Variants in PCDHGB1 observed in about 807,000 individuals in gnomAD.
PCDHGB1 encodes the protein protocadherin gamma-B1.
A neutral mutation model predicts 56.6 loss-of-function variants in PCDHGB1; 34 were observed. The observed-to-expected ratio is 0.60, with a 90% CI of 0.46 to 0.80. PCDHGB1 has a LOEUF of 0.80. Ranked by LOEUF, PCDHGB1 falls within the 30% of genes least tolerant of loss-of-function variation. PCDHGB1 has a pLI of 0.00. For missense variants in PCDHGB1, 1,278 were observed against 1,204.6 expected, an observed-to-expected ratio of 1.06 and a Z score of -0.90; for synonymous variants, 561 against 505.9, an observed-to-expected ratio of 1.11 and a Z score of -1.46.
chr5:141,410,980 A>G (rs2095454359), intron 1 of PCDHGB1: 1 of 175,670 alleles, frequency 5.7e-6, no homozygotes, highest in South Asian at 1.4e-4. Context: ...CAGCCTCCCA[A>G]GTAGCTGGGA....
chr5:141,429,583 T>A (rs2097226045), intron 1 of PCDHGB1, among the ~76,000 whole-genome samples: 2 of 152,218 alleles, frequency 1.3e-5, no homozygotes, highest in South Asian at 4.1e-4. Flanking sequence ...TTACTTTTGA[T>A]TCTTGTAATT....
chr5:141,360,895 G>C lies in PCDHGB1; in HGVS notation c.2409+8226G>C, dbSNP rs766855815. The stretch of plus-strand genomic sequence containing the variant: ...CGTGTACAGGGTCACCCTGAGGGAG[G>C]ACGTGCCGCCGGGCTTCTTTGTGCT... On this transcript the variant is annotated intron_variant, in intron 1 of 3. Coordinates refer to ENST00000523390, the MANE Select transcript of PCDHGB1 (RefSeq NM_018922.3). The C allele has an allele frequency of 6.2e-6, 10 of 1,614,046 alleles. No homozygotes were observed. The Admixed American group carries it at 1.7e-4, about 27-fold the overall frequency.
intron 1 of PCDHGB1, chr5:141,421,033 C>T (rs915028623): frequency 2.4e-5 from 13 of 533,788 alleles, no homozygotes; most frequent in Non-Finnish European, 6.5e-6. Context: ...CCATTGAGTC[C>T]CTCCCTCCCC....
At chr5:141,419,686 G>A (rs551990092) in intron 1 of PCDHGB1, 2 of 1,612,760 alleles carry the variant, frequency 1.2e-6, no homozygotes, top group Non-Finnish European at 1.7e-6. Flanking sequence ...ACCACGTGGT[G>A]CAGGCCAGTG....
Position 141,393,095 on chromosome 5 carries a change from G to A in PCDHGB1, c.2409+40426G>A, listed in dbSNP as rs1057103671. On this transcript the variant is annotated intron_variant, in intron 1 of 3. Transcript: ENST00000523390. ...CCGCGGGCAGGATAGATCGGGAGGA[G>A]CTCTGCGCTCAGAGCCCGCGGTGTC... The A allele has an allele frequency of 3.1e-6, 5 of 1,613,520 alleles. No homozygotes were observed. The East Asian group carries it at 8.9e-5, about 29-fold the overall frequency.
At chr5:141,364,958 C>G in intron 1 of PCDHGB1, 1 of 1,613,958 alleles carries the variant, frequency 6.2e-7, no homozygotes, top group Non-Finnish European at 8.5e-7. Flanking sequence ...TGTTCACGAC[C>G]TCCTCCTCAC....
chr5:141,393,113 G>T (rs1296597974), intron 1 of PCDHGB1: 1 of 1,613,500 alleles, frequency 6.2e-7, no homozygotes. Context: ...CTCAGAGCCC[G>T]CGGTGTCTGA....
rs1266068276 is a variant in PCDHGB1 at position 141,418,847 on chromosome 5, C to T, written c.2409+66178C>T. 1.2e-6 allele frequency: 2 copies of T among 1,613,972 alleles called. No individual in the cohort carries two copies. The highest frequency in any genetic ancestry group is 1.3e-5 in the African/African-American group (1 of 75,054). On this transcript the variant is annotated intron_variant, in intron 1 of 3. Transcript: ENST00000523390. ...AAAAGACCGAGGATCTCTCTCAACACGGTGTAAAGTAATTGTAGAAGTTGT... is the reference window on the plus strand; with the variant it reads ...AAAAGACCGAGGATCTCTCTCAACATGGTGTAAAGTAATTGTAGAAGTTGT...
intron 1 of PCDHGB1, among the ~76,000 whole-genome samples, chr5:141,454,907 A>T (rs1304287479): frequency 1.4e-5 from 2 of 139,080 alleles, no homozygotes; most frequent in East Asian, 4.3e-4. Context: ...TCCCGGGTTC[A>T]CGCCATTCTC....
Position 141,487,682 on chromosome 5 carries a change from G to A in PCDHGB1, c.2410-7125G>A, listed in dbSNP as rs757434520. On this transcript the variant is annotated intron_variant, in intron 1 of 3. Transcript: ENST00000523390. This position sits in a 1 kb window ranked among gnomAD's most constrained non-coding sequence, Gnocchi z 5.0. ...TGATCCAGGCATATGGCTAGGCCATGTCCTAGAGAGTACTGGCCTCTCAGT... is the reference window on the plus strand; with the variant it reads ...TGATCCAGGCATATGGCTAGGCCATATCCTAGAGAGTACTGGCCTCTCAGT... The A allele has an allele frequency of 1.2e-6, 2 of 1,607,256 alleles. No individual in the cohort carries two copies. Among genetic ancestry groups the A allele is most frequent in the East Asian group, 4.5e-5 (2 of 44,762 alleles).
intron 1 of PCDHGB1, among the ~76,000 whole-genome samples, chr5:141,471,076 T>C (rs1463083616): frequency 1.5e-5 from 2 of 136,094 alleles, no homozygotes; most frequent in Non-Finnish European, 3.1e-5. Context: ...TGAGACAGGG[T>C]CTCCCTCTGT....
rs371807105 is a variant in PCDHGB1 at position 141,476,586 on chromosome 5, A to G, written c.2410-18221A>G. ...GCTCCGGGGACGCGCTTTCCGCTCG[A>G]GAGCGCGCACGATCCCGATGTGGGA... is the stretch of plus-strand genomic sequence containing the variant. On this transcript the variant is annotated intron_variant, in intron 1 of 3. Coordinates refer to ENST00000523390, the MANE Select transcript of PCDHGB1 (RefSeq NM_018922.3). This position sits in a 1 kb window ranked among gnomAD's most constrained non-coding sequence, Gnocchi z 7.6. The G allele has an allele frequency of 6.2e-7, 1 of 1,614,222 alleles. No homozygotes were observed. The highest frequency in any genetic ancestry group is 8.5e-7 in the Non-Finnish European group (1 of 1,180,032).
chr5:141,394,534 G>T (rs751746485), intron 1 of PCDHGB1: 2 of 1,614,074 alleles, frequency 1.2e-6, no homozygotes, highest in Non-Finnish European at 1.7e-6. Flanking sequence ...GGTTCCACTG[G>T]CGTGGAGCTG....
At chr5:141,456,815 T>A (rs867637586) in intron 1 of PCDHGB1, among the ~76,000 whole-genome samples, 5 of 151,934 alleles carry the variant, frequency 3.3e-5, no homozygotes, top group Non-Finnish European at 7.4e-5. Flanking sequence ...ATACAAAAAA[T>A]TAGCCATCGT....
intron 1 of PCDHGB1, chr5:141,360,166 G>A: frequency 6.2e-7 from 1 of 1,607,924 alleles, no homozygotes; most frequent in Non-Finnish European, 8.5e-7. Context: ...GTGCGGGCTG[G>A]TGCGGTGGCT....
In PCDHGB1 at chr5:141,362,558, T is replaced by G. The variant is rs1762565840; in HGVS notation, c.2409+9889T>G. ...TTTGCCTCAGATACTATTTTGAAGG[T>G]GAGCTTTAATTAATTTATTTTCACT... On this transcript the variant is annotated intron_variant, in intron 1 of 3. Transcript: ENST00000523390. 4 of 1,611,392 alleles carry G rather than the reference T, an allele frequency of 2.5e-6. No homozygotes were observed. The Middle Eastern group carries it at 5.0e-4, about 200-fold the overall frequency.
chr5:141,497,210 G>T (rs988856908), intron 2 of PCDHGB1, among the ~76,000 whole-genome samples: 1 of 28,140 alleles, frequency 3.6e-5, no homozygotes, highest in African/African-American at 1.1e-3. Context: ...TGAGTGTAAT[G>T]GGGGGGGGAA....
At position 141,490,207 on chromosome 5, in the gene PCDHGB1, C is replaced by G. The variant is rs142098675; in HGVS notation, c.2410-4600C>G. ...TTTCTATGAAATTCATGCAAGAGCC[C>G]GTGACCAGGGACAGCCTGCCATGGA... On this transcript the variant is annotated intron_variant, in intron 1 of 3. Coordinates refer to ENST00000523390, the MANE Select transcript of PCDHGB1 (RefSeq NM_018922.3). This position sits in a 1 kb window ranked among gnomAD's most constrained non-coding sequence, Gnocchi z 5.4. 2.9e-4 allele frequency: 470 copies of G among 1,614,056 alleles called. 1 individual carries two copies. Among genetic ancestry groups the G allele is most frequent in the Non-Finnish European group, 3.7e-4 (439 of 1,180,030 alleles).
chr5:141,381,775 C>T (rs1162791919), intron 1 of PCDHGB1, among the ~76,000 whole-genome samples: 1 of 150,644 alleles, frequency 6.6e-6, no homozygotes, highest in East Asian at 1.9e-4. Flanking sequence ...AATCAATAAT[C>T]AGGAACAAGG....
Sources: gnomAD v4.1 joint callset for allele counts (sites outside exome capture counted in the v4.1 genomes callset) on GRCh38, gnomAD v4.1.1 for gene constraint, Gnocchi (gnomAD v3.1) non-coding constraint, MANE v1.5 for transcripts, NCBI Gene and HGNC (gene_info 2026-07-23, HGNC 2026-07-21) for gene names.